CDH8: variants seen among roughly 807,000 people sequenced by gnomAD.
The protein encoded by CDH8 is cadherin-8.
In CDH8, 17 loss-of-function variants were observed where a neutral mutation model predicts 68.1. The observed-to-expected ratio is 0.25, with a 90% CI of 0.17 to 0.37. The LOEUF is 0.37. CDH8 is among the 10% of genes least tolerant of loss of function. CDH8 has a pLI of 1.00. For missense variants in CDH8, 763 were observed against 999.3 expected, an observed-to-expected ratio of 0.76 and a Z score of 3.19; for synonymous variants, 372 against 365.1, an observed-to-expected ratio of 1.02 and a Z score of -0.21.
At chr16:61,728,812 CA>C (rs1211501392) in intron 8 of CDH8, among the ~76,000 whole-genome samples, 2 of 151,018 alleles carry the variant, frequency 1.3e-5, no homozygotes, top group Non-Finnish European at 3.0e-5. Context: ...TTTGGAGACC[CA>C]GCTTTTCCTT....
intron 2 of CDH8, among the ~76,000 whole-genome samples, chr16:62,003,945 T>G (rs1965933979): frequency 6.6e-6 from 1 of 152,086 alleles, no homozygotes; most frequent in African/African-American, 2.4e-5. Context: ...TTCCTCAGAC[T>G]CAGTATTAGG....
chr16:61,907,904 A>G (rs1964089798), intron 2 of CDH8, among the ~76,000 whole-genome samples: 1 of 151,918 alleles, frequency 6.6e-6, no homozygotes, highest in Non-Finnish European at 1.5e-5. Flanking sequence ...TTAGCTGGTC[A>G]TGGTGGCTGG....
intron 7 of CDH8, among the ~76,000 whole-genome samples, chr16:61,792,557 C>T (rs1008190871): frequency 1.3e-5 from 2 of 151,920 alleles, no homozygotes; most frequent in Admixed American, 1.3e-4. Context: ...TTTTCCTTCT[C>T]CCACCCTTCT....
chr16:61,808,428 T>A (rs4784163), intron 7 of CDH8, among the ~76,000 whole-genome samples: 10 of 151,926 alleles, frequency 6.6e-5, no homozygotes, highest in Non-Finnish European at 7.4e-5. Flanking sequence ...CACAGTATTC[T>A]TCAGGGTACC....
At chr16:61,692,658 T>C (rs1964252195) in intron 10 of CDH8, 1 of 152,040 alleles carries the variant, frequency 6.6e-6, no homozygotes, top group Admixed American at 6.6e-5. Flanking sequence ...TAAATAATAT[T>C]AATGAAAGTC....
At chr16:61,980,474 T>G (rs1965511574) in intron 2 of CDH8, among the ~76,000 whole-genome samples, 1 of 152,208 alleles carries the variant, frequency 6.6e-6, no homozygotes, top group Non-Finnish European at 1.5e-5. Flanking sequence ...CATCATATCA[T>G]AGTAACATCT....
intron 4 of CDH8, among the ~76,000 whole-genome samples, chr16:61,849,454 G>A (rs1270794670): frequency 6.6e-6 from 1 of 152,114 alleles, no homozygotes; most frequent in East Asian, 1.9e-4. Flanking sequence ...GAGAACTCCT[G>A]TGCTATGCCA....
At chr16:61,659,374 G>A (rs1364670315) in intron 10 of CDH8, among the ~76,000 whole-genome samples, 1 of 152,114 alleles carries the variant, frequency 6.6e-6, no homozygotes, top group African/African-American at 2.4e-5. Context: ...ACTCCAAACT[G>A]GTTTAGCCAA....
chr16:62,032,080 T>C (rs1297647780), intron 1 of CDH8: 1 of 152,200 alleles, frequency 6.6e-6, no homozygotes, highest in Non-Finnish European at 1.5e-5. Flanking sequence ...AATCGGATGA[T>C]GGCCTTTGTC....
chr16:61,787,151 G>T (rs1244422085), intron 8 of CDH8, among the ~76,000 whole-genome samples: 1 of 151,874 alleles, frequency 6.6e-6, no homozygotes, highest in Non-Finnish European at 1.5e-5. Flanking sequence ...GAGTGAACAG[G>T]CAGCCTACAA....
chr16:61,968,231 G>GAC (rs1965286015), intron 2 of CDH8, among the ~76,000 whole-genome samples: 2 of 152,208 alleles, frequency 1.3e-5, no homozygotes, highest in South Asian at 4.1e-4. Context: ...TTATGCACAT[G>GAC]ACTCAAAAAC....
intron 7 of CDH8, among the ~76,000 whole-genome samples, chr16:61,807,426 T>A (rs1961816924): frequency 6.6e-6 from 1 of 152,062 alleles, no homozygotes; most frequent in Non-Finnish European, 1.5e-5. Flanking sequence ...TACATACATA[T>A]GTAACTAACC....
At chr16:61,674,604 G>T (rs777238191) in intron 10 of CDH8, among the ~76,000 whole-genome samples, 3 of 151,938 alleles carry the variant, frequency 2.0e-5, no homozygotes, top group Non-Finnish European at 2.9e-5. Flanking sequence ...CAAAATTCAA[G>T]ATATGTGAAG....
At chr16:61,989,409 G>C (rs1186457263) in intron 2 of CDH8, among the ~76,000 whole-genome samples, 1 of 152,118 alleles carries the variant, frequency 6.6e-6, no homozygotes, top group African/African-American at 2.4e-5. Flanking sequence ...TTGAGAAAAT[G>C]GTAAACTCTC....
At chr16:62,031,121 C>T (rs189589647) in intron 1 of CDH8, among the ~76,000 whole-genome samples, 45 of 152,258 alleles carry the variant, frequency 3.0e-4, no homozygotes, top group African/African-American at 9.9e-4. Flanking sequence ...TATAACTTTG[C>T]ATCAAATATA....
intron 2 of CDH8, among the ~76,000 whole-genome samples, chr16:61,922,706 A>T (rs1026344052): frequency 2.0e-5 from 3 of 152,198 alleles, no homozygotes; most frequent in Admixed American, 2.0e-4. Context: ...CATGCTTATA[A>T]CTAATGCTAT....
At position 61,905,768 on chromosome 16, in the gene CDH8, A is replaced by T. The variant is rs147695272; in HGVS notation, c.253-4295T>A. On this transcript the variant is annotated intron_variant, in intron 2 of 11. Transcript: ENST00000577390. ...TGGGGTATAGAGGGACAGAAAGTCC[A>T]CCCCAAAGAAGTAATGATTAAAACT... Among the ~76,000 whole-genome samples, 159 of 152,242 alleles carry T rather than the reference A, an allele frequency of 1.0e-3. 2 individuals are homozygous for T. Among genetic ancestry groups the T allele is most frequent in the Admixed American group, 0.01 (156 of 15,288 alleles).
At chr16:61,983,143 A>G (rs557500914) in intron 2 of CDH8, among the ~76,000 whole-genome samples, 2 of 152,344 alleles carry the variant, frequency 1.3e-5, no homozygotes, top group South Asian at 2.1e-4. Context: ...TCTTTCACCA[A>G]TAAAGGTGTC....
intron 2 of CDH8, among the ~76,000 whole-genome samples, chr16:62,004,835 A>G (rs1424494925): frequency 6.6e-6 from 1 of 152,242 alleles, no homozygotes; most frequent in Non-Finnish European, 1.5e-5. Flanking sequence ...GAAAGAGGAC[A>G]ATCTCTCTTA....
Sources: allele counts gnomAD v4.1 joint callset (sites outside exome capture counted in the v4.1 genomes callset), GRCh38; gene constraint gnomAD v4.1.1; transcripts MANE v1.5; gene names NCBI Gene and HGNC (gene_info 2026-07-23, HGNC 2026-07-21).